The following PIP5K1B variants were observed in gnomAD, a reference collection of about 807,000 sequenced individuals.
PIP5K1B encodes the protein phosphatidylinositol 4-phosphate 5-kinase type-1 beta.
In PIP5K1B, 42 loss-of-function variants were observed where a neutral mutation model predicts 67.0. The observed-to-expected ratio is 0.63, with a 90% CI of 0.49 to 0.81. The LOEUF (loss-of-function observed/expected upper bound fraction) is 0.81. PIP5K1B is among the 30% of genes least tolerant of loss of function. PIP5K1B has a pLI of 0.00. For missense variants in PIP5K1B, 459 were observed against 646.3 expected (o/e 0.71, Z 3.14); for synonymous variants, 214 against 231.4 (o/e 0.92, Z 0.68).
intron 1 of PIP5K1B, among the ~76,000 whole-genome samples, chr9:68,716,365 T>A (rs1827634108): frequency 6.6e-6 from 1 of 152,196 alleles, no homozygotes. Flanking sequence ...TTATTCTAAA[T>A]ATAAAAGCTA....
At chr9:68,733,250 G>C (rs1014273340) in intron 1 of PIP5K1B, among the ~76,000 whole-genome samples, 1 of 152,214 alleles carries the variant, frequency 6.6e-6, no homozygotes, top group Non-Finnish European at 1.5e-5. Context: ...GGCACTAGGT[G>C]CTGGTTATTC....
At chr9:68,924,111 A>G (rs1018241568) in intron 12 of PIP5K1B, among the ~76,000 whole-genome samples, 2 of 103,190 alleles carry the variant, frequency 1.9e-5, no homozygotes, top group Non-Finnish European at 3.6e-5. Context: ...TCTTACCTTT[A>G]AAAAAAAAAA....
chr9:68,992,022 A>G (rs527995944), intron 15 of PIP5K1B, among the ~76,000 whole-genome samples: 2 of 152,160 alleles, frequency 1.3e-5, no homozygotes, highest in Non-Finnish European at 2.9e-5. Flanking sequence ...CTGGAGTGCA[A>G]TGGTGCGATC....
chr9:68,978,795 A>G (rs1361619334), intron 14 of PIP5K1B, among the ~76,000 whole-genome samples: 1 of 152,202 alleles, frequency 6.6e-6, no homozygotes, highest in East Asian at 1.9e-4. Context: ...AGTTACCATC[A>G]CCCAGATCAA....
At position 68,714,723 on chromosome 9, in the gene PIP5K1B, T is replaced by G. The variant is rs187637853; in HGVS notation, c.-243+8961T>G. Reference sequence around the variant, plus strand: ...TCCAAGTAGCTTTCTACCCTGATGTTTTTGCTCTCCTGGAGTCCAGTCAGA... The same window carrying G: ...TCCAAGTAGCTTTCTACCCTGATGTGTTTGCTCTCCTGGAGTCCAGTCAGA... On this transcript the variant is annotated intron_variant, in intron 1 of 15. Coordinates refer to ENST00000265382, the MANE Select transcript of PIP5K1B (RefSeq NM_003558.4). 1.8e-3 allele frequency among the ~76,000 whole-genome samples: 280 copies of G among 152,266 alleles called. 1 individual carries two copies. The highest frequency in any genetic ancestry group is 3.5e-3 in the Non-Finnish European group (236 of 68,018).
intron 2 of PIP5K1B, chr9:68,780,082 G>GTATCATTA: frequency 9.0e-6 from 12 of 1,334,300 alleles, no homozygotes; most frequent in Admixed American, 6.7e-5. Flanking sequence ...CGGTGGCGGC[G>GTATCATTA]GCAGCGGCGG....
At chr9:68,929,235 G>A (rs1446061181) in intron 12 of PIP5K1B, among the ~76,000 whole-genome samples, 2 of 151,464 alleles carry the variant, frequency 1.3e-5, no homozygotes, top group African/African-American at 4.9e-5. Flanking sequence ...ATGTGGGTTT[G>A]GAGGGTGCAC....
intron 1 of PIP5K1B, among the ~76,000 whole-genome samples, chr9:68,741,394 G>A (rs77417278): frequency 1.6e-3 from 245 of 152,290 alleles, no homozygotes; most frequent in African/African-American, 5.6e-3. Context: ...CTTGGCTTCT[G>A]AATGTGCTGT....
chr9:69,003,545 T>C (rs1260054221), intron 15 of PIP5K1B, among the ~76,000 whole-genome samples: 1 of 151,740 alleles, frequency 6.6e-6, no homozygotes, highest in Non-Finnish European at 1.5e-5. Flanking sequence ...GACTTGTCAG[T>C]GCTGTTCATC....
At chr9:68,923,180 A>G in intron 11 of PIP5K1B, 122 bp from the exon 12 acceptor site, 2 of 697,560 alleles carry the variant, frequency 2.9e-6, no homozygotes, top group Admixed American at 2.6e-5. Flanking sequence ...CCTGTTTTCT[A>G]TCTCTGGGCC....
chr9:68,767,231 G>A (rs1007235726), intron 2 of PIP5K1B, among the ~76,000 whole-genome samples: 19 of 152,320 alleles, frequency 1.2e-4, no homozygotes, highest in African/African-American at 4.3e-4. Flanking sequence ...ATGGGCATGT[G>A]CCTGTATGTG....
At chr9:68,761,596 G>A (rs999965397) in intron 2 of PIP5K1B, among the ~76,000 whole-genome samples, 1 of 152,046 alleles carries the variant, frequency 6.6e-6, no homozygotes, top group Non-Finnish European at 1.5e-5. Flanking sequence ...GAGGCTCTGG[G>A]GAAGAATTCC....
chr9:68,792,519 G>T (rs765398601), intron 2 of PIP5K1B, among the ~76,000 whole-genome samples: 3 of 151,858 alleles, frequency 2.0e-5, no homozygotes, highest in Admixed American at 6.6e-5. Flanking sequence ...TCGCTCTGTC[G>T]CCCAGGTTGG....
chr9:68,873,405 A>T (rs1156669544), intron 5 of PIP5K1B, among the ~76,000 whole-genome samples: 1 of 148,542 alleles, frequency 6.7e-6, no homozygotes, highest in Admixed American at 6.9e-5. Context: ...CTTCTGCCTC[A>T]GCCCACCAAA....
At chr9:68,981,339 CAT>C (rs1253030453) in intron 14 of PIP5K1B, among the ~76,000 whole-genome samples, 3 of 152,086 alleles carry the variant, frequency 2.0e-5, no homozygotes, top group African/African-American at 7.2e-5. Context: ...AAATGTCCCT[CAT>C]AGTGAATCAA....
At chr9:68,986,668 TTC>T (rs1385333189) in intron 14 of PIP5K1B, among the ~76,000 whole-genome samples, 7 of 152,222 alleles carry the variant, frequency 4.6e-5, no homozygotes, top group Non-Finnish European at 8.8e-5. Context: ...AATCTGATAT[TTC>T]TTTTTTCTGT....
intron 1 of PIP5K1B, among the ~76,000 whole-genome samples, chr9:68,737,160 T>C (rs777233817): frequency 2.0e-5 from 3 of 152,232 alleles, no homozygotes; most frequent in Non-Finnish European, 4.4e-5. Flanking sequence ...GATGTCAGTT[T>C]CCCTACAACG....
At chr9:68,801,438 A>T (rs949631572) in intron 2 of PIP5K1B, among the ~76,000 whole-genome samples, 2 of 152,194 alleles carry the variant, frequency 1.3e-5, no homozygotes, top group Non-Finnish European at 1.5e-5. Context: ...TGCTGAGAAA[A>T]GAGGGTACAT....
intron 12 of PIP5K1B, among the ~76,000 whole-genome samples, chr9:68,932,124 A>T (rs186181686): frequency 1.3e-5 from 2 of 152,192 alleles, no homozygotes; most frequent in Non-Finnish European, 2.9e-5. Context: ...CCCTCACTCC[A>T]TGAAATGCCA....
Sources: allele counts gnomAD v4.1 joint callset (sites outside exome capture counted in the v4.1 genomes callset), GRCh38; gene constraint gnomAD v4.1.1; transcripts MANE v1.5; gene names NCBI Gene and HGNC (gene_info 2026-07-23, HGNC 2026-07-21).